The following PATJ variants were observed in gnomAD, a reference collection of about 807,000 sequenced individuals.
PATJ encodes the protein inaD-like protein.
PATJ carries 190 observed loss-of-function variants against 224.9 expected under a neutral mutation model. The ratio of observed to expected loss-of-function variants is 0.84; its 90% CI spans 0.75 to 0.95. The LOEUF is 0.95. Among genes scored for constraint, PATJ ranks in the 40% least tolerant of loss-of-function variants. The pLI is 0.00. For missense variants in PATJ, 2,121 were observed against 2,270.3 expected (o/e 0.93, Z 1.34); for synonymous variants, 769 against 820.3 (o/e 0.94, Z 1.07).
chr1:61,810,469 C>T (rs1028155734), intron 14 of PATJ, among the ~76,000 whole-genome samples: 4 of 151,702 alleles, frequency 2.6e-5, no homozygotes, highest in East Asian at 1.9e-4. Context: ...GAGGCCGAGG[C>T]GGGCAGATCA....
intron 17 of PATJ, among the ~76,000 whole-genome samples, chr1:61,855,594 T>G (rs1663525044): frequency 1.3e-5 from 2 of 152,060 alleles, no homozygotes; most frequent in Non-Finnish European, 2.9e-5. Flanking sequence ...TTTGTATATT[T>G]TGCGGAGATG....
chr1:61,973,763 T>G (rs1683288296), intron 27 of PATJ, among the ~76,000 whole-genome samples: 1 of 151,968 alleles, frequency 6.6e-6, no homozygotes, highest in Non-Finnish European at 1.5e-5. Context: ...ATACAACAAA[T>G]GATTGTAGAG....
At chr1:61,938,057 G>T (rs558247799) in intron 27 of PATJ, among the ~76,000 whole-genome samples, 1 of 152,148 alleles carries the variant, frequency 6.6e-6, no homozygotes, top group Admixed American at 6.5e-5. Flanking sequence ...TCTTGGTACT[G>T]TTGCTGTCTT....
intron 27 of PATJ, among the ~76,000 whole-genome samples, chr1:61,978,659 G>A (rs1046448063): frequency 6.6e-6 from 1 of 152,022 alleles, no homozygotes; most frequent in Admixed American, 6.5e-5. Flanking sequence ...GTTGGTTAGT[G>A]CATAAGAAAA....
chr1:62,083,707 A>G (rs987440402), intron 32 of PATJ, among the ~76,000 whole-genome samples: 3 of 152,074 alleles, frequency 2.0e-5, no homozygotes, highest in Non-Finnish European at 4.4e-5. Flanking sequence ...ATATTTGGGG[A>G]TAAATTTTAG....
intron 18 of PATJ, among the ~76,000 whole-genome samples, chr1:61,857,160 C>T (rs1354328995): frequency 1.3e-5 from 2 of 152,048 alleles, no homozygotes; most frequent in African/African-American, 4.8e-5. Flanking sequence ...AGTTATGGTG[C>T]TCTGGAGGCC....
intron 27 of PATJ, among the ~76,000 whole-genome samples, chr1:61,979,883 C>G (rs888681694): frequency 1.1e-4 from 16 of 152,044 alleles, no homozygotes; most frequent in East Asian, 7.7e-4. Flanking sequence ...TTAGATTCTT[C>G]TCTGTGTCCC....
intron 5 of PATJ, among the ~76,000 whole-genome samples, chr1:61,770,458 C>T (rs1448225207): frequency 6.6e-6 from 1 of 152,154 alleles, no homozygotes; most frequent in African/African-American, 2.4e-5. Flanking sequence ...TTAAAATTTA[C>T]TAAGTACTTT....
chr1:62,102,250 G>A (rs936434131), intron 33 of PATJ, among the ~76,000 whole-genome samples: 1 of 152,116 alleles, frequency 6.6e-6, no homozygotes, highest in East Asian at 1.9e-4. Flanking sequence ...GTCTGAAGCA[G>A]TAAATAAACA....
chr1:61,801,860 A>G, intron 12 of PATJ, 91 bp downstream of exon 12: 1 of 928,136 alleles, frequency 1.1e-6, no homozygotes. Flanking sequence ...GAGAAATCTT[A>G]GAGGCATTTT....
Position 61,992,593 on chromosome 1 carries a change from G to A in PATJ, c.3867+2229G>A, listed in dbSNP as rs116849354. Among the ~76,000 whole-genome samples, 697 of 152,152 alleles carry A rather than the reference G, an allele frequency of 4.6e-3. 11 individuals are homozygous for A. The highest frequency in any genetic ancestry group is 0.015 in the South Asian group (71 of 4,818). ...GAAATACTCCAAAGGCTATAATTTG[G>A]AATATGAAGATTCTTGTTCTGTTCT... On this transcript the variant is annotated intron_variant, in intron 28 of 43. Transcript: ENST00000642238.
intron 17 of PATJ, among the ~76,000 whole-genome samples, chr1:61,853,091 A>G (rs371152349): frequency 4.6e-5 from 7 of 152,312 alleles, no homozygotes; most frequent in East Asian, 1.9e-4. Flanking sequence ...TAGCATAACT[A>G]GTGGTCTAAA....
chr1:62,092,350 G>A (rs75323688), intron 33 of PATJ, among the ~76,000 whole-genome samples: 12,765 of 151,654 alleles, frequency 0.084, 1,008 homozygotes, highest in African/African-American at 0.21. Context: ...ACTACATTCC[G>A]GCCTGAGCAA....
intron 29 of PATJ, among the ~76,000 whole-genome samples, chr1:62,024,493 T>A (rs758535333): frequency 2.0e-4 from 30 of 152,208 alleles, no homozygotes; most frequent in Non-Finnish European, 2.9e-4. Flanking sequence ...ACAGGAATTA[T>A]GCCTACATTT....
intron 27 of PATJ, among the ~76,000 whole-genome samples, chr1:61,947,844 A>G (rs182541988): frequency 1.4e-4 from 21 of 152,330 alleles, no homozygotes; most frequent in Admixed American, 4.6e-4. Flanking sequence ...CCAAAACAGA[A>G]TGGTACTGGT....
chr1:61,918,516 G>A (rs932342224), intron 26 of PATJ, among the ~76,000 whole-genome samples: 5 of 151,806 alleles, frequency 3.3e-5, no homozygotes, highest in Non-Finnish European at 7.4e-5. Context: ...TTACCGTGTT[G>A]CCCAGGCTGG....
intron 21 of PATJ, among the ~76,000 whole-genome samples, chr1:61,881,420 T>G (rs1450537019): frequency 6.7e-6 from 1 of 149,952 alleles, no homozygotes; most frequent in Non-Finnish European, 1.5e-5. Context: ...TTTTTTTTTT[T>G]TTTTTTTTGA....
In PATJ at chr1:61,765,066, A is replaced by ATTTTTTTTTTTTTTTTTTTTTTTTT. The variant is rs71582647; in HGVS notation, c.190-1204_190-1180dup. ...TTTCTTTGAGGTTTTATTGACATTC[A>ATTTTTTTTTTTTTTTTTTTTTTTTT]TTTTTTTTTTTTTTTTTTTTTTTTT... On this transcript the variant is annotated intron_variant, in intron 3 of 43. Transcript: ENST00000642238. Among the ~76,000 whole-genome samples, 5 of 24,020 alleles carry ATTTTTTTTTTTTTTTTTTTTTTTTT rather than the reference A, an allele frequency of 2.1e-4. 2 individuals are homozygous for ATTTTTTTTTTTTTTTTTTTTTTTTT. The highest frequency in any genetic ancestry group is 3.7e-4 in the Non-Finnish European group (5 of 13,504). 15.8% of individuals were successfully genotyped at this position (24,020 alleles called of 152,430 possible).
rs145438173 is a variant in PATJ at position 62,021,154 on chromosome 1, A to G, written c.3959+3207A>G. Among the ~76,000 whole-genome samples, 916 of 152,166 alleles carry G rather than the reference A, an allele frequency of 6.0e-3. 7 individuals are homozygous for G. Among genetic ancestry groups the G allele is most frequent in the African/African-American group, 0.021 (872 of 41,510 alleles). On this transcript the variant is annotated intron_variant, in intron 29 of 43. Transcript: ENST00000642238. Reference sequence around the variant, plus strand: ...AGAAATTTATTTCTCACAGTTTTGGAGGCTAGGAAGTTTGAGATCAAGGCT... The same window carrying G: ...AGAAATTTATTTCTCACAGTTTTGGGGGCTAGGAAGTTTGAGATCAAGGCT...
Sources: allele counts gnomAD v4.1 joint callset (sites outside exome capture counted in the v4.1 genomes callset), GRCh38; gene constraint gnomAD v4.1.1; transcripts MANE v1.5; gene names NCBI Gene and HGNC (gene_info 2026-07-23, HGNC 2026-07-21).